Variants in TSHZ2 observed in about 807,000 individuals in gnomAD.
TSHZ2 encodes the protein teashirt homolog 2.
Under a neutral mutation model 74.4 loss-of-function variants are expected in TSHZ2, and 21 were observed. The ratio of observed to expected loss-of-function variants is 0.28; its 90% confidence interval spans 0.20 to 0.41. The LOEUF (loss-of-function observed/expected upper bound fraction) is 0.41. Among genes scored for constraint, TSHZ2 ranks in the 10% least tolerant of loss-of-function variants. TSHZ2 has a pLI of 1.00. For missense variants in TSHZ2, 1,244 were observed against 1,293.5 expected (o/e 0.96, Z 0.59); for synonymous variants, 540 against 515.3 (o/e 1.05, Z -0.65).
chr20:53,095,921 A>T (rs1259960878), intron 1 of TSHZ2, among the ~76,000 whole-genome samples: 1 of 151,782 alleles, frequency 6.6e-6, no homozygotes, highest in Non-Finnish European at 1.5e-5. Flanking sequence ...GGAAAGAGCC[A>T]CTCCTAGGGC....
chr20:53,187,840 T>A (rs565165405), intron 1 of TSHZ2, among the ~76,000 whole-genome samples: 2 of 151,804 alleles, frequency 1.3e-5, no homozygotes, highest in South Asian at 2.1e-4. Context: ...TGAGGGAAAA[T>A]GGGAAATCAG....
chr20:53,205,219 G>C lies in TSHZ2; in HGVS notation c.41-48280G>C, dbSNP rs147999522. On this transcript the variant is annotated intron_variant, in intron 1 of 2. Transcript: ENST00000371497. ...AGCAATTAACCACTGTGCTAAGCAAGAAAAACACAGAGAATTTGGACAAAT... is the reference window on the plus strand; with the variant it reads ...AGCAATTAACCACTGTGCTAAGCAACAAAAACACAGAGAATTTGGACAAAT... 7.2e-3 allele frequency among the ~76,000 whole-genome samples: 1,089 copies of C among 152,226 alleles called. 5 individuals carry two copies. The highest frequency in any genetic ancestry group is 0.011 in the Non-Finnish European group (765 of 68,016).
At chr20:53,337,636 A>C (rs910990112) in intron 2 of TSHZ2, among the ~76,000 whole-genome samples, 31 of 152,222 alleles carry the variant, frequency 2.0e-4, no homozygotes, top group African/African-American at 7.0e-4. Context: ...TGAGTACAAG[A>C]GGCTGAACAA....
At position 53,344,304 on chromosome 20, in the gene TSHZ2, T is replaced by A. The variant is rs6126814; in HGVS notation, c.*8+87733T>A. ...GCACCAGGCTTGCATTTTGCTTGTATTTTCTCAATTAATACAAGCATTGAG... is the reference window on the plus strand; with the variant it reads ...GCACCAGGCTTGCATTTTGCTTGTAATTTCTCAATTAATACAAGCATTGAG... On this transcript the variant is annotated intron_variant, in intron 2 of 2. Coordinates refer to ENST00000371497, the MANE Select transcript of TSHZ2 (RefSeq NM_173485.6). 3.3e-3 allele frequency among the ~76,000 whole-genome samples: 506 copies of A among 152,250 alleles called. 18 individuals carry two copies. The East Asian group carries it at 0.074, about 22-fold the overall frequency.
At chr20:53,105,409 A>G (rs1986332736) in intron 1 of TSHZ2, among the ~76,000 whole-genome samples, 2 of 152,174 alleles carry the variant, frequency 1.3e-5, no homozygotes, top group South Asian at 4.1e-4. Context: ...AGCCCCTTTA[A>G]TAGTGGTGAT....
At chr20:53,311,659 T>C (rs1201206589) in intron 2 of TSHZ2, among the ~76,000 whole-genome samples, 1 of 152,244 alleles carries the variant, frequency 6.6e-6, no homozygotes. Flanking sequence ...TGGCCACATG[T>C]GTCCTGCTTG....
At chr20:53,341,504 A>G (rs1980201416) in intron 2 of TSHZ2, among the ~76,000 whole-genome samples, 1 of 150,956 alleles carries the variant, frequency 6.6e-6, no homozygotes, top group Admixed American at 6.6e-5. Flanking sequence ...TTTTTTTTTT[A>G]ATAGAGATGG....
intron 2 of TSHZ2, among the ~76,000 whole-genome samples, chr20:53,272,853 G>A (rs1600781984): frequency 1.3e-5 from 2 of 152,334 alleles, no homozygotes; most frequent in African/African-American, 2.4e-5. Context: ...AGGGGATGCA[G>A]GTTGATAATA....
At chr20:52,992,403 G>A (rs141113772) in intron 1 of TSHZ2, among the ~76,000 whole-genome samples, 5 of 152,280 alleles carry the variant, frequency 3.3e-5, no homozygotes, top group African/African-American at 4.8e-5. Flanking sequence ...CATGGCACTC[G>A]TGAACATTTG....
At chr20:53,237,404 C>T (rs1299065630) in intron 1 of TSHZ2, among the ~76,000 whole-genome samples, 3 of 152,176 alleles carry the variant, frequency 2.0e-5, no homozygotes, top group African/African-American at 7.2e-5. Context: ...TGGTCTTTCA[C>T]TCCCTACAAT....
At chr20:53,190,306 C>T (rs1041360391) in intron 1 of TSHZ2, among the ~76,000 whole-genome samples, 18 of 150,864 alleles carry the variant, frequency 1.2e-4, no homozygotes, top group African/African-American at 3.4e-4. Flanking sequence ...TGTTTCCTTG[C>T]GAGCTGGTAT....
intron 2 of TSHZ2, among the ~76,000 whole-genome samples, chr20:53,456,391 C>T (rs1985082701): frequency 6.8e-6 from 1 of 148,068 alleles, no homozygotes; most frequent in South Asian, 2.2e-4. Context: ...GTCCTTCGCC[C>T]ACTTTTTGAT....
At chr20:53,310,507 G>C (rs1978735494) in intron 2 of TSHZ2, among the ~76,000 whole-genome samples, 1 of 152,216 alleles carries the variant, frequency 6.6e-6, no homozygotes, top group South Asian at 2.1e-4. Context: ...TGAGCCCTCT[G>C]CATCAGGATT....
At chr20:53,441,190 C>CT (rs1208828393) in intron 2 of TSHZ2, among the ~76,000 whole-genome samples, 7 of 150,202 alleles carry the variant, frequency 4.7e-5, no homozygotes, top group South Asian at 2.2e-4. Flanking sequence ...TTACTTCTTC[C>CT]TTTTTTTTCC....
At chr20:53,113,378 C>T (rs996405701) in intron 1 of TSHZ2, among the ~76,000 whole-genome samples, 6 of 152,278 alleles carry the variant, frequency 3.9e-5, no homozygotes, top group Non-Finnish European at 8.8e-5. Flanking sequence ...CCGTTTATCT[C>T]CCTGAAATAG....
chr20:53,197,467 A>G (rs900571776), intron 1 of TSHZ2, among the ~76,000 whole-genome samples: 4 of 152,084 alleles, frequency 2.6e-5, no homozygotes, highest in Non-Finnish European at 4.4e-5. Flanking sequence ...TTCTGTGTCT[A>G]TTTAGCTGTT....
chr20:53,023,021 C>A (rs1983303789), intron 1 of TSHZ2, among the ~76,000 whole-genome samples: 1 of 152,138 alleles, frequency 6.6e-6, no homozygotes, highest in Non-Finnish European at 1.5e-5. Flanking sequence ...CAGACTACCC[C>A]CCCACCCAGA....
intron 1 of TSHZ2, among the ~76,000 whole-genome samples, chr20:53,122,410 C>CA (rs1000374029): frequency 2.6e-5 from 4 of 151,760 alleles, no homozygotes; most frequent in Non-Finnish European, 4.4e-5. Context: ...TGTTTTAGGA[C>CA]AAAAAAACGA....
At chr20:53,011,280 A>G (rs557791857) in intron 1 of TSHZ2, among the ~76,000 whole-genome samples, 100 of 152,352 alleles carry the variant, frequency 6.6e-4, no homozygotes, top group African/African-American at 2.4e-3. Flanking sequence ...GCCCCAATTC[A>G]TATCCTGGGA....
Sources: gnomAD v4.1 joint callset for allele counts (sites outside exome capture counted in the v4.1 genomes callset) on GRCh38, gnomAD v4.1.1 for gene constraint, MANE v1.5 for transcripts, NCBI Gene and HGNC (gene_info 2026-07-23, HGNC 2026-07-21) for gene names.